Variants in TAOK3 observed in about 807,000 individuals in gnomAD.
The protein encoded by TAOK3 is TAO kinase 3.
In TAOK3, 40 loss-of-function variants were observed where a neutral mutation model predicts 120.4. That is an observed-to-expected ratio of 0.33 (90% CI 0.26 to 0.43). The LOEUF (loss-of-function observed/expected upper bound fraction) is 0.43. Among genes scored for constraint, TAOK3 ranks in the 20% least tolerant of loss-of-function variants. The probability of loss-of-function intolerance (pLI) is 1.00; values close to 1 mark genes in which losing one functional copy is unlikely to be tolerated. For synonymous variants in TAOK3, 355 were observed against 387.5 expected (o/e 0.92, Z 0.99); for missense variants, 821 against 1,112.1 (o/e 0.74, Z 3.72).
At chr12:118,228,947 G>T (rs188581162) in intron 9 of TAOK3, among the ~76,000 whole-genome samples, 2 of 152,006 alleles carry the variant, frequency 1.3e-5, no homozygotes, top group African/African-American at 2.4e-5. Flanking sequence ...TTGAGATAGG[G>T]TCTTACTCCC....
At chr12:118,245,080 T>TGAGA in intron 3 of TAOK3, 115 bp from the exon 4 acceptor site, 1 of 626,386 alleles carries the variant, frequency 1.6e-6, no homozygotes, top group Non-Finnish European at 2.5e-6. Flanking sequence ...ACAGTCTCAT[T>TGAGA]CTGTCGCTCA....
chr12:118,246,618 A>T, intron 3 of TAOK3: 1 of 1,575,622 alleles, frequency 6.3e-7, no homozygotes, highest in Non-Finnish European at 8.6e-7. Context: ...CAAGCCCCAC[A>T]CTGTCCCTTG....
intron 17 of TAOK3, among the ~76,000 whole-genome samples, chr12:118,163,641 G>A (rs1233102684): frequency 1.3e-5 from 2 of 151,834 alleles, no homozygotes; most frequent in African/African-American, 4.8e-5. Flanking sequence ...AGCAATGTTG[G>A]ATAAGTGATG....
intron 1 of TAOK3, among the ~76,000 whole-genome samples, chr12:118,339,669 G>A (rs1462007662): frequency 6.6e-6 from 1 of 151,678 alleles, no homozygotes; most frequent in Non-Finnish European, 1.5e-5. Context: ...GGGTTCAAGC[G>A]ATTCTGCCTC....
intron 13 of TAOK3, among the ~76,000 whole-genome samples, chr12:118,197,147 C>A (rs2037771468): frequency 6.6e-6 from 1 of 152,082 alleles, no homozygotes; most frequent in Admixed American, 6.6e-5. Flanking sequence ...CTTAAGTTTT[C>A]ATATATATTC....
At chr12:118,299,090 AT>A (rs1250379886) in intron 1 of TAOK3, among the ~76,000 whole-genome samples, 16 of 152,224 alleles carry the variant, frequency 1.1e-4, no homozygotes, top group Non-Finnish European at 1.6e-4. Context: ...ATACTATGCA[AT>A]GACAAATTCA....
At chr12:118,333,503 A>T (rs1200350722) in intron 1 of TAOK3, among the ~76,000 whole-genome samples, 2 of 152,222 alleles carry the variant, frequency 1.3e-5, no homozygotes, top group East Asian at 3.9e-4. Context: ...AGGGAAATGC[A>T]TACTATTAAA....
At chr12:118,237,274 G>A (rs1478830221) in intron 7 of TAOK3, among the ~76,000 whole-genome samples, 1 of 152,138 alleles carries the variant, frequency 6.6e-6, no homozygotes, top group Non-Finnish European at 1.5e-5. Context: ...CCTAGTAAAT[G>A]CCAGTTGTTT....
At chr12:118,182,180 CA>C (rs912912774) in intron 14 of TAOK3, among the ~76,000 whole-genome samples, 18 of 147,600 alleles carry the variant, frequency 1.2e-4, no homozygotes, top group African/African-American at 4.2e-4. Flanking sequence ...GACTCTGTCT[CA>C]AAAAAAAACA....
chr12:118,286,562 A>C (rs2042273289), intron 1 of TAOK3, among the ~76,000 whole-genome samples: 1 of 152,082 alleles, frequency 6.6e-6, no homozygotes, highest in African/African-American at 2.4e-5. Context: ...ATAATAAAAA[A>C]AAAAAAACAG....
At chr12:118,197,714 G>A (rs1318069046) in intron 13 of TAOK3, among the ~76,000 whole-genome samples, 1 of 126,450 alleles carries the variant, frequency 7.9e-6, no homozygotes, top group African/African-American at 3.0e-5. Flanking sequence ...TTGAGACGGA[G>A]TCTCACTGTG....
At chr12:118,251,191 T>C (rs1245465359) in intron 3 of TAOK3, among the ~76,000 whole-genome samples, 2 of 152,148 alleles carry the variant, frequency 1.3e-5, no homozygotes, top group Non-Finnish European at 2.9e-5. Context: ...CAGGCAATCA[T>C]AGTTGTCCAA....
intron 9 of TAOK3, among the ~76,000 whole-genome samples, chr12:118,229,215 C>T (rs1270103016): frequency 6.6e-6 from 1 of 152,044 alleles, no homozygotes; most frequent in Non-Finnish European, 1.5e-5. Flanking sequence ...ATTCTCTTGC[C>T]TCAGCCTCCC....
chr12:118,275,422 T>C (rs1046989600), intron 1 of TAOK3, among the ~76,000 whole-genome samples: 1 of 152,174 alleles, frequency 6.6e-6, no homozygotes, highest in Admixed American at 6.5e-5. Context: ...GCATGAGCCA[T>C]TGTGCCTGGC....
chr12:118,329,895 A>G (rs2044074456), intron 1 of TAOK3, among the ~76,000 whole-genome samples: 1 of 152,206 alleles, frequency 6.6e-6, no homozygotes, highest in African/African-American at 2.4e-5. Context: ...AACCAAAAAC[A>G]TAAGGTAGAG....
At chr12:118,311,479 G>A (rs1240600804) in intron 1 of TAOK3, among the ~76,000 whole-genome samples, 1 of 151,978 alleles carries the variant, frequency 6.6e-6, no homozygotes, top group Non-Finnish European at 1.5e-5. Context: ...AGAAAAAAAA[G>A]AAAGAGCTCA....
chr12:118,173,081 C>T (rs1300624530), intron 16 of TAOK3, among the ~76,000 whole-genome samples: 9 of 152,138 alleles, frequency 5.9e-5, no homozygotes, highest in Non-Finnish European at 7.4e-5. Context: ...TTGAAGAGGA[C>T]GTACTTGGCC....
intron 5 of TAOK3, among the ~76,000 whole-genome samples, chr12:118,242,796 G>A (rs548307893): frequency 1.3e-5 from 2 of 152,074 alleles, no homozygotes; most frequent in Admixed American, 1.3e-4. Flanking sequence ...GGAGGCAGAG[G>A]TTGTAGTCAG....
At chr12:118,319,399 A>T (rs2043606553) in intron 1 of TAOK3, among the ~76,000 whole-genome samples, 1 of 152,220 alleles carries the variant, frequency 6.6e-6, no homozygotes, top group African/African-American at 2.4e-5. Context: ...CATAAACCTG[A>T]TAAGAATTTA....
Sources: allele counts gnomAD v4.1 joint callset (sites outside exome capture counted in the v4.1 genomes callset), GRCh38; gene constraint gnomAD v4.1.1; transcripts MANE v1.5; gene names NCBI Gene and HGNC (gene_info 2026-07-23, HGNC 2026-07-21).